Variants in AGPS observed in about 807,000 individuals in gnomAD.
The protein encoded by AGPS is alkyldihydroxyacetonephosphate synthase, peroxisomal.
A neutral mutation model predicts 90.7 loss-of-function variants in AGPS; 26 were observed. That is an observed-to-expected ratio of 0.29 (90% CI 0.21 to 0.40). The LOEUF (loss-of-function observed/expected upper bound fraction) is 0.40, where lower values mean the gene tolerates loss of function less well. Ranked by LOEUF, AGPS falls within the 10% of genes least tolerant of loss-of-function variation. AGPS has a pLI of 1.00. For synonymous variants in AGPS, 294 were observed against 285.3 expected, an observed-to-expected ratio of 1.03 and a Z score of -0.31; for missense variants, 540 against 816.1, an observed-to-expected ratio of 0.66 and a Z score of 4.12.
Position 177,513,824 on chromosome 2 carries a change from T to C in AGPS, c.1613T>C (p.Val538Ala). The C allele has an allele frequency of 6.2e-7, 1 of 1,608,672 alleles. No individual in the cohort carries two copies. Among genetic ancestry groups the C allele is most frequent in the South Asian group, 1.1e-5 (1 of 90,942 alleles). ...ATTCATTTATCTTTTTTTAGGGTGGTAGATCTCTGTAGAAATGTAAAAGAA... is the reference window on the plus strand; with the variant it reads ...ATTCATTTATCTTTTTTTAGGGTGGCAGATCTCTGTAGAAATGTAAAAGAA... Reference protein sequence around the residue: ...FETSAPWDRVVDLCRNVKERI... With the variant: ...FETSAPWDRVADLCRNVKERI... Residue 538 changes from valine (V) to alanine (A), a missense_variant, in exon 17 of 20, where the codon GTA (valine) becomes GCA (alanine). Around this residue, in one of 2 missense-constraint regions of AGPS, gnomAD observed 405 missense variants for 692.1 expected, o/e 0.59. Coordinates refer to ENST00000264167, the MANE Select transcript of AGPS (RefSeq NM_003659.4).
chr2:177,454,905 G>A (rs1687064545), intron 8 of AGPS, among the ~76,000 whole-genome samples: 1 of 152,126 alleles, frequency 6.6e-6, no homozygotes, highest in Non-Finnish European at 1.5e-5. Flanking sequence ...CCCTCTGTGA[G>A]TGCTGGCACT....
chr2:177,506,733 G>C (rs1256299104), intron 15 of AGPS, among the ~76,000 whole-genome samples: 1 of 151,936 alleles, frequency 6.6e-6, no homozygotes, highest in Non-Finnish European at 1.5e-5. Context: ...TTTTGACTAA[G>C]AGATGTACTG....
chr2:177,466,434 C>T (rs1313704328), intron 9 of AGPS, among the ~76,000 whole-genome samples: 3 of 152,220 alleles, frequency 2.0e-5, no homozygotes, highest in South Asian at 2.1e-4. Flanking sequence ...AGCCCCCAGG[C>T]GTCAGGCCCT....
intron 12 of AGPS, among the ~76,000 whole-genome samples, chr2:177,494,738 T>C (rs1390345583): frequency 6.6e-6 from 1 of 152,210 alleles, no homozygotes; most frequent in Non-Finnish European, 1.5e-5. Context: ...TCTCTAGTCT[T>C]TACTGTGTCT....
At chr2:177,407,147 T>C (rs1043333664) in intron 1 of AGPS, among the ~76,000 whole-genome samples, 1 of 152,164 alleles carries the variant, frequency 6.6e-6, no homozygotes, top group African/African-American at 2.4e-5. Context: ...TTTTCATGTT[T>C]TAAATAGGGG....
At chr2:177,469,179 A>G (rs1218147047) in intron 10 of AGPS, among the ~76,000 whole-genome samples, 5 of 152,252 alleles carry the variant, frequency 3.3e-5, no homozygotes, top group East Asian at 1.9e-4. Context: ...TTATTTTTCA[A>G]TTTTTAGGAT....
intron 19 of AGPS, 78 bp from the exon 20 acceptor site, chr2:177,537,996 G>T: frequency 1.3e-6 from 2 of 1,546,466 alleles, no homozygotes; most frequent in South Asian, 1.1e-5. Flanking sequence ...CACAGTGTTT[G>T]TTCACTCATG....
At chr2:177,462,098 T>C in intron 9 of AGPS, 80 bp downstream of exon 9, 1 of 1,336,008 alleles carries the variant, frequency 7.5e-7, no homozygotes, top group Non-Finnish European at 1.0e-6. Flanking sequence ...CCTTTAAAAA[T>C]TAAGAGTTGG....
chr2:177,422,510 T>TG (rs1685969539), intron 2 of AGPS, among the ~76,000 whole-genome samples: 1 of 152,090 alleles, frequency 6.6e-6, no homozygotes, highest in Non-Finnish European at 1.5e-5. Flanking sequence ...AGAGGGAGAA[T>TG]AAGGGTTCAT....
Position 177,497,718 on chromosome 2 carries a change from AT to A in AGPS, c.1320del (p.Phe440LeufsTer8). On this transcript the variant is annotated frameshift_variant, in exon 13 of 20. Coordinates refer to ENST00000264167, the MANE Select transcript of AGPS (RefSeq NM_003659.4). LOFTEE classifies it high-confidence loss of function. The part of the protein sequence containing the change: ...GHALKPQVSS[I>X]FTSFLDGLKK... Reference sequence around the variant, plus strand: ...TGCTCTTAAACCTCAGGTTTCCTCTATTTTTACATCATTTTTGGACGGATTA... The same window carrying A: ...TGCTCTTAAACCTCAGGTTTCCTCTATTTTACATCATTTTTGGACGGATTA... 1.9e-6 allele frequency: 3 copies of A among 1,582,764 alleles called. No homozygotes were observed. Among genetic ancestry groups the A allele is most frequent in the Non-Finnish European group, 2.6e-6 (3 of 1,157,458 alleles).
chr2:177,402,048 T>C (rs549631598), intron 1 of AGPS, among the ~76,000 whole-genome samples: 1 of 152,330 alleles, frequency 6.6e-6, no homozygotes, highest in South Asian at 2.1e-4. Context: ...TTCTTGGAAC[T>C]TACATTCCAG....
chr2:177,533,252 G>C (rs2079153778), intron 19 of AGPS, among the ~76,000 whole-genome samples: 3 of 152,144 alleles, frequency 2.0e-5, no homozygotes, highest in Non-Finnish European at 4.4e-5. Context: ...AGAACATACT[G>C]TGGAAACCAA....
rs148729652 is a variant in AGPS at position 177,452,314 on chromosome 2, T to A, written c.870+6688T>A. 9.3e-4 allele frequency among the ~76,000 whole-genome samples: 141 copies of A among 152,326 alleles called. 1 individual carries two copies. Among genetic ancestry groups the A allele is most frequent in the African/African-American group, 3.3e-3 (138 of 41,580 alleles). On this transcript the variant is annotated intron_variant, in intron 8 of 19. Transcript: ENST00000264167. ...AACAGTAATTGTAGATTTGTATATT[T>A]CTTCTGCAGTTCTATTTTTGCTTGG...
In AGPS at chr2:177,452,429, C is replaced by T. The variant is rs1011544551; in HGVS notation, c.870+6803C>T. Among the ~76,000 whole-genome samples, 11 of 152,158 alleles carry T rather than the reference C, an allele frequency of 7.2e-5. No individual in the cohort carries two copies. The South Asian group carries it at 8.3e-4, about 11-fold the overall frequency. ...TGACCCTTTTGTCGTTATGAAATGACCTCCTTTATGTGTGATAACATGCTT... is the reference window on the plus strand; with the variant it reads ...TGACCCTTTTGTCGTTATGAAATGATCTCCTTTATGTGTGATAACATGCTT... On this transcript the variant is annotated intron_variant, in intron 8 of 19. Coordinates refer to ENST00000264167, the MANE Select transcript of AGPS (RefSeq NM_003659.4).
intron 1 of AGPS, among the ~76,000 whole-genome samples, chr2:177,410,589 C>T (rs1685591820): frequency 6.6e-6 from 1 of 152,184 alleles, no homozygotes. Flanking sequence ...GAGTAAAGTT[C>T]CCCAGTCACA....
intron 8 of AGPS, among the ~76,000 whole-genome samples, chr2:177,455,320 GT>G (rs1194377996): frequency 6.6e-5 from 10 of 152,130 alleles, no homozygotes; most frequent in Admixed American, 2.6e-4. Context: ...TCAACTCAGT[GT>G]TTGCCAAGTT....
At chr2:177,434,475 A>G (rs983815847) in intron 3 of AGPS, 58 bp downstream of exon 3, 3 of 1,262,366 alleles carry the variant, frequency 2.4e-6, no homozygotes, top group African/African-American at 3.0e-5. Flanking sequence ...ACCCAAATTA[A>G]TTTGATTTAT....
rs2105693469 is a variant in AGPS at position 177,482,072 on chromosome 2, A to G, written c.1119A>G (p.Val373=). ...TCTTTTTTTCAGGAACTCTTGGTGT[A>G]ATAACAGAAGCTACAATAAAAATCA... ...FIMGSEGTLG[V]ITEATIKIRP... The change falls in exon 11 of 20, where the codon GTA becomes GTG. Residue 373 remains valine (V), a synonymous_variant. Coordinates refer to ENST00000264167, the MANE Select transcript of AGPS (RefSeq NM_003659.4). 6.2e-7 allele frequency: 1 copy of G among 1,601,988 alleles called. No homozygotes were observed. The highest frequency in any genetic ancestry group is 2.3e-5 in the East Asian group (1 of 44,120).
intron 19 of AGPS, among the ~76,000 whole-genome samples, chr2:177,530,010 TTTTG>T (rs371123935): frequency 1.1e-3 from 164 of 152,258 alleles, no homozygotes; most frequent in East Asian, 2.7e-3. Flanking sequence ...AAAACAATAG[TTTTG>T]TTTGTTTGTT....
Sources: gnomAD v4.1 joint callset for allele counts (sites outside exome capture counted in the v4.1 genomes callset) on GRCh38, gnomAD v4.1.1 for gene constraint, gnomAD v4.1.1 regional missense constraint, MANE v1.5 for transcripts, NCBI Gene and HGNC (gene_info 2026-07-23, HGNC 2026-07-21) for gene names.